The following ANO10 variants were observed in gnomAD, a reference collection of about 807,000 sequenced individuals.
The protein encoded by ANO10 is anoctamin-10.
In ANO10, 77 loss-of-function variants were observed where a neutral mutation model predicts 74.7. The observed-to-expected ratio is 1.03, with a 90% CI of 0.86 to 1.25. The LOEUF is 1.25. Among genes scored for constraint, ANO10 ranks in the 50% most tolerant of loss-of-function variants. The pLI is 0.00. For missense variants in ANO10, 721 were observed against 778.1 expected (o/e 0.93, Z 0.87); for synonymous variants, 279 against 284.9 (o/e 0.98, Z 0.21).
intron 12 of ANO10, among the ~76,000 whole-genome samples, chr3:43,422,147 C>T (rs1356629630): frequency 2.6e-5 from 4 of 152,122 alleles, no homozygotes; most frequent in African/African-American, 7.2e-5. Context: ...GATGGAGTCT[C>T]GCTCTGTCGC....
intron 1 of ANO10, among the ~76,000 whole-genome samples, chr3:43,632,870 T>A (rs1326865521): frequency 6.6e-6 from 1 of 152,206 alleles, no homozygotes; most frequent in Non-Finnish European, 1.5e-5. Context: ...ATTTAGCTTC[T>A]AGTAGGCAAT....
intron 11 of ANO10, among the ~76,000 whole-genome samples, chr3:43,464,839 A>G (rs1203096629): frequency 6.6e-6 from 1 of 152,240 alleles, no homozygotes; most frequent in Non-Finnish European, 1.5e-5. Flanking sequence ...TAAAATGGAA[A>G]TAGAGGCAAA....
rs769643132 is a variant in ANO10, at chr3:43,682,744, G to A, written c.-12+8773C>T. Reference sequence around the variant, plus strand: ...AAGCTTATCCACCATGATCAAGTGGGCTTCATCCCTGGGATGGAAGGCTAG... The same window carrying A: ...AAGCTTATCCACCATGATCAAGTGGACTTCATCCCTGGGATGGAAGGCTAG... On this transcript the variant is annotated intron_variant, in intron 1 of 3. Transcript: ENST00000413397. 3.3e-4 allele frequency among the ~76,000 whole-genome samples: 50 copies of A among 152,160 alleles called. 1 individual carries two copies. The highest frequency in any genetic ancestry group is 6.6e-4 in the Non-Finnish European group (45 of 68,034).
intron 12 of ANO10, among the ~76,000 whole-genome samples, chr3:43,371,485 C>T (rs1180913915): frequency 6.6e-6 from 1 of 152,184 alleles, no homozygotes; most frequent in Non-Finnish European, 1.5e-5. Flanking sequence ...ATTTAATGCA[C>T]CTAAGTGTGG....
At chr3:43,520,627 A>G (rs1005071641) in intron 11 of ANO10, among the ~76,000 whole-genome samples, 7 of 152,164 alleles carry the variant, frequency 4.6e-5, no homozygotes, top group African/African-American at 9.6e-5. Flanking sequence ...CTACATGTAC[A>G]TTCTTTTTAT....
chr3:43,432,742 G>A lies in ANO10; in HGVS notation c.1798-15C>T. 6.5e-7 allele frequency: 1 copy of A among 1,536,396 alleles called. No individual in the cohort carries two copies. The highest frequency in any genetic ancestry group is 9.0e-7 in the Non-Finnish European group (1 of 1,109,588). ...AGGAGTGCGTGCTGAAAACAAGAAA[G>A]AGTACATGTTGATGTGATACATCAG... On this transcript the variant is annotated splice_polypyrimidine_tract_variant and intron_variant, in intron 11 of 12. Coordinates refer to ENST00000292246, the MANE Select transcript of ANO10 (RefSeq NM_018075.5).
chr3:43,424,413 C>T (rs913229655), intron 12 of ANO10: 1 of 152,218 alleles, frequency 6.6e-6, no homozygotes, highest in African/African-American at 2.4e-5. Flanking sequence ...GCCTGGGAGC[C>T]AGACCACCTT....
intron 1 of ANO10, chr3:43,691,223 G>A (rs1189675534): frequency 1.2e-5 from 6 of 504,880 alleles, no homozygotes; most frequent in African/African-American, 4.0e-5. Flanking sequence ...GCTCTGCCTG[G>A]GAGAGGCTCC....
At chr3:43,579,060 A>G (rs1300811106) in intron 5 of ANO10, among the ~76,000 whole-genome samples, 3 of 152,160 alleles carry the variant, frequency 2.0e-5, no homozygotes, top group Non-Finnish European at 4.4e-5. Context: ...TTAGGATACC[A>G]TTAAACAAAA....
At chr3:43,372,284 C>T (rs542571066) in intron 12 of ANO10, among the ~76,000 whole-genome samples, 1 of 152,088 alleles carries the variant, frequency 6.6e-6, no homozygotes, top group African/African-American at 2.4e-5. Context: ...CTGTCACACA[C>T]GCACTGCTCC....
intron 11 of ANO10, among the ~76,000 whole-genome samples, chr3:43,469,171 T>C (rs1454480676): frequency 1.3e-5 from 2 of 148,282 alleles, no homozygotes; most frequent in African/African-American, 5.0e-5. Flanking sequence ...GCCTCCAGAC[T>C]AGCTGGAATT....
At chr3:43,437,032 C>T (rs949177067) in intron 11 of ANO10, among the ~76,000 whole-genome samples, 6 of 152,124 alleles carry the variant, frequency 3.9e-5, no homozygotes, top group African/African-American at 1.4e-4. Flanking sequence ...AGACAAATTA[C>T]ATGCCAAATG....
rs143005384 is a variant in ANO10 at position 43,505,571 on chromosome 3, G to T, written c.1797+44149C>A. 1.1e-4 allele frequency among the ~76,000 whole-genome samples: 16 copies of T among 152,282 alleles called. No homozygotes were observed. In the East Asian group the frequency reaches 2.7e-3, roughly 26 times the overall value. The stretch of plus-strand genomic sequence containing the variant: ...CTCAGTTGGCTTCCTTACTCATCAG[G>T]AATGATATAACACATTTTCTTCACG... On this transcript the variant is annotated intron_variant, in intron 11 of 12. Transcript: ENST00000292246.
At chr3:43,609,595 T>C (rs1210402323) in intron 1 of ANO10, among the ~76,000 whole-genome samples, 1 of 152,214 alleles carries the variant, frequency 6.6e-6, no homozygotes, top group Non-Finnish European at 1.5e-5. Context: ...GCAGTTTCAC[T>C]GTTGTGGAAA....
chr3:43,511,479 AAAT>A (rs1220831796), intron 11 of ANO10, among the ~76,000 whole-genome samples: 1 of 152,180 alleles, frequency 6.6e-6, no homozygotes, highest in Non-Finnish European at 1.5e-5. Context: ...CTCTGACTGA[AAAT>A]AATCTTTTAT....
rs760512759 is a variant in ANO10, at chr3:43,501,150, C to T, written c.1797+48570G>A. On this transcript the variant is annotated intron_variant, in intron 11 of 12. Coordinates refer to ENST00000292246, the MANE Select transcript of ANO10 (RefSeq NM_018075.5). ...TACAAGAAGCATGGCACCAGCATCT[C>T]CATCTGGTGGGAGCCTCAGGCTGCT... is the stretch of plus-strand genomic sequence containing the variant. Among the ~76,000 whole-genome samples the T allele has an allele frequency of 5.9e-5, 9 of 152,326 alleles. No homozygotes were observed. In the South Asian group the frequency reaches 1.9e-3, roughly 32 times the overall value.
rs1218418918 is a variant in ANO10, at chr3:43,432,704, A to G, written c.1821T>C (p.Phe607=). The G allele has an allele frequency of 6.2e-7, 1 of 1,613,798 alleles. No homozygotes were observed. Among genetic ancestry groups the G allele is most frequent in the African/African-American group, 1.3e-5 (1 of 75,038 alleles). Residue 607 remains phenylalanine, a synonymous_variant, in exon 12 of 13, where the codon TTT becomes TTC. Coordinates refer to ENST00000292246, the MANE Select transcript of ANO10 (RefSeq NM_018075.5). The part of the protein sequence containing the change: ...AVEHALLALK[F]ILAFAIPDKP... Reference sequence around the variant, plus strand: ...TATCAGGTATGGCAAATGCAAGTATAAACTTTAAAGCCAGGAGTGCGTGCT... The same window carrying G: ...TATCAGGTATGGCAAATGCAAGTATGAACTTTAAAGCCAGGAGTGCGTGCT...
chr3:43,644,813 C>T (rs72622904), intron 1 of ANO10, among the ~76,000 whole-genome samples: 7,621 of 152,308 alleles, frequency 0.05, 290 homozygotes, highest in South Asian at 0.12. Flanking sequence ...CAGGCCTGGG[C>T]GGTAACACCT....
chr3:43,533,892 T>C (rs1282205240), intron 11 of ANO10, among the ~76,000 whole-genome samples: 1 of 152,248 alleles, frequency 6.6e-6, no homozygotes, highest in East Asian at 1.9e-4. Context: ...AATAGCATTC[T>C]TATTTGTACT....
Sources: allele counts gnomAD v4.1 joint callset (sites outside exome capture counted in the v4.1 genomes callset), GRCh38; gene constraint gnomAD v4.1.1; transcripts MANE v1.5; gene names NCBI Gene and HGNC (gene_info 2026-07-23, HGNC 2026-07-21).